Variants in ICMT observed in about 807,000 individuals in gnomAD.
ICMT encodes isoprenylcysteine carboxyl methyltransferase.
Under a neutral mutation model 32.2 loss-of-function variants are expected in ICMT, and 10 were observed. The observed-to-expected ratio is 0.31, with a 90% CI of 0.19 to 0.53. The LOEUF (loss-of-function observed/expected upper bound fraction) is 0.53. Ranked by LOEUF, ICMT falls within the 20% of genes least tolerant of loss-of-function variation. The pLI, the probability that ICMT is intolerant of heterozygous loss-of-function variation, is 0.96. For synonymous variants in ICMT, 183 were observed against 158.2 expected (o/e 1.16, Z -1.18); for missense variants, 265 against 356.9 (o/e 0.74, Z 2.07).
In ICMT at chr1:6,235,778, G is replaced by A. The variant is rs1279668475; in HGVS notation, c.134C>T (p.Ala45Val). ...RAGLQGRTGL[A>V]LYVAGLNALL... ...CGCGTTGAGCCCGGCCACGTAGAGC[G>A]CCAGCCCGGTGCGGCCCTGCAGGCC... Residue 45 changes from alanine (A) to valine (V), a missense_variant, in exon 1 of 5, where the codon GCG (alanine) becomes GTG (valine). Ala to Val is a moderately conservative substitution (Grantham distance 64). Transcript: ENST00000343813. 7.5e-7 allele frequency: 1 copy of A among 1,340,998 alleles called. No homozygotes were observed. The highest frequency in any genetic ancestry group is 9.6e-7 in the Non-Finnish European group (1 of 1,036,924). 83.1% of individuals were successfully genotyped at this position (1,340,998 alleles called of 1,614,324 possible).
intron 2 of ICMT, chr1:6,234,321 C>T: frequency 5.3e-6 from 2 of 378,220 alleles, no homozygotes; most frequent in Non-Finnish European, 1.0e-5. Context: ...ATGTCGGATA[C>T]AAAATTTAAC....
chr1:6,227,871 AG>A (rs1433209202), intron 4 of ICMT, among the ~76,000 whole-genome samples: 1 of 152,006 alleles, frequency 6.6e-6, no homozygotes, highest in Non-Finnish European at 1.5e-5. Flanking sequence ...GAAAAAAAAA[AG>A]AAATAAGGCT....
At chr1:6,232,991 G>A (rs907319642) in intron 3 of ICMT, among the ~76,000 whole-genome samples, 1 of 151,974 alleles carries the variant, frequency 6.6e-6, no homozygotes, top group African/African-American at 2.4e-5. Context: ...CCGAGTAGCT[G>A]GGATTACAGG....
chr1:6,229,121 C>G (rs535007565), intron 4 of ICMT, among the ~76,000 whole-genome samples: 2 of 152,130 alleles, frequency 1.3e-5, no homozygotes, highest in East Asian at 1.9e-4. Flanking sequence ...GTAGATCACT[C>G]AACCGCAGGA....
intron 4 of ICMT, 49 bp downstream of exon 4, chr1:6,231,853 T>C: frequency 8.6e-7 from 1 of 1,163,796 alleles, no homozygotes. Context: ...GTTTAAAATG[T>C]TACTTAAAAA....
intron 2 of ICMT, 130 bp downstream of exon 2, chr1:6,234,756 C>G: frequency 1.4e-6 from 1 of 735,832 alleles, no homozygotes; most frequent in South Asian, 1.6e-5. Context: ...AGCCAGGAGA[C>G]TTCGTTTCCA....
chr1:6,232,153 G>A, intron 3 of ICMT, 34 bp from the exon 4 acceptor site: 5 of 1,533,626 alleles, frequency 3.3e-6, no homozygotes, highest in Non-Finnish European at 4.5e-6. Context: ...CACACGGGGA[G>A]TGAAAACACT....
At chr1:6,235,414 G>A (rs1281000449) in intron 1 of ICMT, among the ~76,000 whole-genome samples, 14 of 152,178 alleles carry the variant, frequency 9.2e-5, no homozygotes, top group Admixed American at 7.9e-4. Flanking sequence ...CGGGGCCTTT[G>A]ACCTGAGACA....
intron 1 of ICMT, 60 bp from the exon 2 acceptor site, chr1:6,235,034 G>A (rs530411828): frequency 9.2e-6 from 13 of 1,409,936 alleles, no homozygotes; most frequent in Non-Finnish European, 1.2e-5. Flanking sequence ...GATCTGGGCT[G>A]CTGACCTTCC....
chr1:6,226,656 T>A (rs1224196822), intron 4 of ICMT, among the ~76,000 whole-genome samples: 1 of 152,224 alleles, frequency 6.6e-6, no homozygotes, highest in Non-Finnish European at 1.5e-5. Context: ...CCCAGCGCCA[T>A]GCTAAGCCCT....
intron 2 of ICMT, 115 bp downstream of exon 2, chr1:6,234,771 A>C (rs951614670): frequency 1.2e-6 from 1 of 805,138 alleles, no homozygotes; most frequent in Non-Finnish European, 2.1e-6. Context: ...TTTCCAGAGA[A>C]CCCTGAACAG....
chr1:6,233,249 T>C (rs1211634117), intron 3 of ICMT, among the ~76,000 whole-genome samples: 2 of 152,274 alleles, frequency 1.3e-5, no homozygotes, highest in Non-Finnish European at 2.9e-5. Flanking sequence ...TGGTGCACTA[T>C]GTGATGCAAA....
intron 4 of ICMT, among the ~76,000 whole-genome samples, chr1:6,231,279 C>T (rs768216496): frequency 3.3e-5 from 5 of 152,164 alleles, no homozygotes; most frequent in African/African-American, 4.8e-5. Flanking sequence ...CACATGGCCT[C>T]GGCCCCATTA....
chr1:6,234,497 T>A (rs1489138335), intron 2 of ICMT: 1 of 488,410 alleles, frequency 2.0e-6, no homozygotes, highest in South Asian at 1.5e-5. Flanking sequence ...GCTGTGGGGA[T>A]GCACTAGATG....
chr1:6,234,939 G>A lies in ICMT; in HGVS notation c.231C>T (p.Phe77=), dbSNP rs1457847881. The part of the protein sequence containing the change: ...AIRACFLGFV[F]GCGTLLSFSQ... The stretch of plus-strand genomic sequence containing the variant: ...TAAAACTTAGCAGCGTGCCGCAGCC[G>A]AACACAAACCCCAGGAAACAAGCTC... Residue 77 remains phenylalanine, a synonymous_variant, in exon 2 of 5, where the codon TTC becomes TTT. Coordinates refer to ENST00000343813, the MANE Select transcript of ICMT (RefSeq NM_012405.4). 6.2e-7 allele frequency: 1 copy of A among 1,613,946 alleles called. No individual in the cohort carries two copies. The highest frequency in any genetic ancestry group is 8.5e-7 in the Non-Finnish European group (1 of 1,179,974).
intron 3 of ICMT, among the ~76,000 whole-genome samples, chr1:6,232,706 G>A (rs1003312290): frequency 6.6e-6 from 1 of 151,968 alleles, no homozygotes; most frequent in Non-Finnish European, 1.5e-5. Flanking sequence ...GCACTACCAG[G>A]CCCGGCTAAT....
intron 4 of ICMT, 119 bp downstream of exon 4, chr1:6,231,783 C>A: frequency 1.5e-6 from 1 of 647,366 alleles, no homozygotes; most frequent in Non-Finnish European, 2.6e-6. Flanking sequence ...CTCATGAATA[C>A]ACTGAAAACC....
rs371949239 is a variant in ICMT, at chr1:6,231,881, G to A, written c.672+21C>T. On this transcript the variant is annotated intron_variant, in intron 4 of 4. Transcript: ENST00000343813. ...CTTAAAAAAAAAAAAAAGAAAAGCAGTGTCATATTTAATATTATACCTGAG... is the reference window on the plus strand; with the variant it reads ...CTTAAAAAAAAAAAAAAGAAAAGCAATGTCATATTTAATATTATACCTGAG... 19 of 1,353,610 alleles carry A rather than the reference G, an allele frequency of 1.4e-5. No individual in the cohort carries two copies. In the African/African-American group the frequency reaches 1.8e-4, roughly 13 times the overall value. 83.8% of individuals were successfully genotyped at this position (1,353,610 alleles called of 1,614,324 possible). A position where few individuals can be genotyped will look rare whatever the true frequency, so the allele number is the denominator to read the frequency against.
intron 2 of ICMT, among the ~76,000 whole-genome samples, chr1:6,233,962 C>T (rs988326320): frequency 3.3e-5 from 5 of 152,318 alleles, no homozygotes; most frequent in Admixed American, 1.3e-4. Flanking sequence ...GATTCTCCTG[C>T]CTCAGCCTCT....
Sources: allele counts gnomAD v4.1 joint callset (sites outside exome capture counted in the v4.1 genomes callset), GRCh38; gene constraint gnomAD v4.1.1; transcripts MANE v1.5; gene names NCBI Gene and HGNC (gene_info 2026-07-23, HGNC 2026-07-21).